EYS: variants seen among roughly 807,000 people sequenced by gnomAD.
EYS encodes EGF-like photoreceptor maintenance factor.
EYS carries 250 observed loss-of-function variants against 282.1 expected under a neutral mutation model. The ratio of observed to expected loss-of-function variants is 0.89; its 90% CI spans 0.80 to 0.98. The LOEUF (loss-of-function observed/expected upper bound fraction) is 0.98. Ranked by LOEUF, EYS falls within the 50% of genes least tolerant of loss-of-function variation. The probability of loss-of-function intolerance (pLI) is 0.00; values close to 1 mark genes in which losing one functional copy is unlikely to be tolerated. For missense variants in EYS, 4,016 were observed against 3,709.0 expected, an observed-to-expected ratio of 1.08 and a Z score of -2.15; for synonymous variants, 1,355 against 1,282.9, an observed-to-expected ratio of 1.06 and a Z score of -1.20.
rs1018221158 is a variant in EYS at position 65,000,635 on chromosome 6, G to A, written c.2138-2932C>T. On this transcript the variant is annotated intron_variant, in intron 13 of 42. Transcript: ENST00000503581. ...AAAAATATAAAAAAAAAAATTAGCC[G>A]GGCTTGGTGGCACATGCCTGTAGTC... Among the ~76,000 whole-genome samples, 5 of 152,132 alleles carry A rather than the reference G, an allele frequency of 3.3e-5. No homozygotes were observed. In the East Asian group the frequency reaches 7.8e-4, roughly 24 times the overall value.
At chr6:65,514,470 T>A (rs1415996219) in intron 2 of EYS, among the ~76,000 whole-genome samples, 1 of 152,120 alleles carries the variant, frequency 6.6e-6, no homozygotes, top group African/African-American at 2.4e-5. Context: ...AAAAAAGAGC[T>A]TGCATTGCCA....
At chr6:64,083,367 A>G (rs1338596291) in intron 31 of EYS, among the ~76,000 whole-genome samples, 2 of 152,220 alleles carry the variant, frequency 1.3e-5, no homozygotes, top group Non-Finnish European at 2.9e-5. Flanking sequence ...ATCTTCCATC[A>G]GAGATATGAT....
chr6:65,139,766 A>G (rs546952639), intron 12 of EYS, among the ~76,000 whole-genome samples: 205 of 152,096 alleles, frequency 1.3e-3, no homozygotes, highest in Admixed American at 2.4e-3. Flanking sequence ...AGGAATGTAA[A>G]CTAGTTTGGC....
chr6:65,460,712 T>C (rs1764801043), intron 5 of EYS, among the ~76,000 whole-genome samples: 1 of 152,110 alleles, frequency 6.6e-6, no homozygotes, highest in Admixed American at 6.6e-5. Flanking sequence ...TGTTTTGGCC[T>C]GAACAAATCA....
intron 5 of EYS, among the ~76,000 whole-genome samples, chr6:65,487,660 C>A (rs1313804573): frequency 6.6e-6 from 1 of 152,042 alleles, no homozygotes; most frequent in Non-Finnish European, 1.5e-5. Context: ...CTCTGCCAGG[C>A]TTTGGTATCA....
chr6:64,859,409 T>C (rs780169010), intron 19 of EYS, among the ~76,000 whole-genome samples: 37 of 151,546 alleles, frequency 2.4e-4, no homozygotes, highest in Non-Finnish European at 4.7e-4. Flanking sequence ...TTGAAAACTT[T>C]AAAACACTCA....
intron 1 of EYS, among the ~76,000 whole-genome samples, chr6:65,697,839 A>G (rs1769510967): frequency 6.6e-6 from 1 of 152,148 alleles, no homozygotes; most frequent in Non-Finnish European, 1.5e-5. Context: ...AATAAATTGT[A>G]TCCCTAGTCA....
intron 26 of EYS, among the ~76,000 whole-genome samples, chr6:64,539,288 G>A (rs1764623695): frequency 6.6e-6 from 1 of 152,130 alleles, no homozygotes; most frequent in South Asian, 2.1e-4. Flanking sequence ...ACTCTTAGTG[G>A]GGTACAGAGG....
chr6:63,779,696 T>C (rs1162685027), intron 39 of EYS, among the ~76,000 whole-genome samples: 1 of 151,906 alleles, frequency 6.6e-6, no homozygotes, highest in Non-Finnish European at 1.5e-5. Context: ...AAGGCAAGAT[T>C]GAATTTTATT....
intron 14 of EYS, among the ~76,000 whole-genome samples, chr6:64,971,114 T>G (rs985313920): frequency 2.0e-5 from 3 of 152,102 alleles, no homozygotes; most frequent in African/African-American, 7.2e-5. Flanking sequence ...GCTGGAAAAT[T>G]TAATGCCAAC....
intron 26 of EYS, among the ~76,000 whole-genome samples, chr6:64,578,126 C>T (rs1562071964): frequency 6.6e-6 from 1 of 152,048 alleles, no homozygotes; most frequent in Non-Finnish European, 1.5e-5. Flanking sequence ...CCAAACCTCA[C>T]ACACACTGAT....
chr6:65,512,073 G>A (rs943291870), intron 2 of EYS, among the ~76,000 whole-genome samples: 1 of 151,474 alleles, frequency 6.6e-6, no homozygotes, highest in Non-Finnish European at 1.5e-5. Context: ...AAACCCAGTG[G>A]CTAACTCTAA....
intron 5 of EYS, among the ~76,000 whole-genome samples, chr6:65,475,636 G>A (rs1428645657): frequency 1.3e-5 from 2 of 151,872 alleles, no homozygotes; most frequent in Non-Finnish European, 2.9e-5. Context: ...AAAGTCATTG[G>A]TCAATAACTG....
At chr6:65,563,992 G>A (rs1159096089) in intron 2 of EYS, among the ~76,000 whole-genome samples, 1 of 152,012 alleles carries the variant, frequency 6.6e-6, no homozygotes, top group African/African-American at 2.4e-5. Flanking sequence ...ATAATAGAGA[G>A]CCAAATCATG....
intron 12 of EYS, among the ~76,000 whole-genome samples, chr6:65,237,455 T>C (rs182688623): frequency 1.3e-5 from 2 of 152,246 alleles, no homozygotes; most frequent in Non-Finnish European, 2.9e-5. Context: ...ATCTCAGATA[T>C]CTAAAAGGAG....
intron 2 of EYS, among the ~76,000 whole-genome samples, chr6:65,545,290 G>GTTGT (rs1159803318): frequency 3.3e-5 from 5 of 151,202 alleles, no homozygotes; most frequent in African/African-American, 1.2e-4. Flanking sequence ...AAAATAAAAT[G>GTTGT]TTGTTTAGTT....
At chr6:64,910,989 T>C (rs1300511596) in intron 16 of EYS, among the ~76,000 whole-genome samples, 1 of 152,010 alleles carries the variant, frequency 6.6e-6, no homozygotes, top group Non-Finnish European at 1.5e-5. Context: ...ATTTTTTTTC[T>C]ATTTTACTTA....
At chr6:64,683,183 G>C (rs2149906447) in intron 22 of EYS, among the ~76,000 whole-genome samples, 1 of 152,196 alleles carries the variant, frequency 6.6e-6, no homozygotes, top group Middle Eastern at 3.4e-3. Context: ...AGAATCCAAA[G>C]GCTCAATAGC....
intron 33 of EYS, among the ~76,000 whole-genome samples, chr6:64,064,252 C>T (rs1374898927): frequency 6.6e-6 from 1 of 151,894 alleles, no homozygotes; most frequent in Non-Finnish European, 1.5e-5. Context: ...TTTGGCTTAC[C>T]ATTGAATTCT....
Sources: allele counts gnomAD v4.1 joint callset (sites outside exome capture counted in the v4.1 genomes callset), GRCh38; gene constraint gnomAD v4.1.1; transcripts MANE v1.5; gene names NCBI Gene and HGNC (gene_info 2026-07-23, HGNC 2026-07-21).